AP1B1: variants seen among roughly 807,000 people sequenced by gnomAD.
AP1B1 encodes the protein AP-1 complex subunit beta-1.
In AP1B1, 36 loss-of-function variants were observed where a neutral mutation model predicts 104.3. The ratio of observed to expected loss-of-function variants is 0.35; its 90% CI spans 0.26 to 0.46. AP1B1 has a LOEUF of 0.46. AP1B1 is among the 20% of genes least tolerant of loss of function. AP1B1 has a pLI of 1.00. For synonymous variants in AP1B1, 504 were observed against 517.5 expected, an observed-to-expected ratio of 0.97 and a Z score of 0.35; for missense variants, 901 against 1,247.9, an observed-to-expected ratio of 0.72 and a Z score of 4.19.
In AP1B1 at chr22:29,363,110, A is replaced by G; in HGVS notation, c.38-4T>C. ...GCCTTCAGCTCGAAGATCTCCCCTA[A>G]GGAAAGGAGGCAAGCATGAGTGATC... On this transcript the variant is annotated splice_region_variant and splice_polypyrimidine_tract_variant and intron_variant, in intron 2 of 22. Coordinates refer to ENST00000357586, the MANE Select transcript of AP1B1 (RefSeq NM_001127.4). The G allele has an allele frequency of 1.5e-6, 2 of 1,309,402 alleles. No homozygotes were observed. The highest frequency in any genetic ancestry group is 2.2e-6 in the Non-Finnish European group (2 of 901,782). The allele number at this position is 1,309,402 out of a possible 1,614,324, so 81.1% of individuals were successfully genotyped here. A position where few individuals can be genotyped will look rare whatever the true frequency, so the allele number is the denominator to read the frequency against.
At chr22:29,343,476 C>T (rs2061743919) in intron 11 of AP1B1, among the ~76,000 whole-genome samples, 2 of 152,244 alleles carry the variant, frequency 1.3e-5, no homozygotes, top group African/African-American at 4.8e-5. Flanking sequence ...TGGGGGCCAG[C>T]AGCAGATGAG....
intron 1 of AP1B1, among the ~76,000 whole-genome samples, chr22:29,382,107 A>G (rs2062445848): frequency 6.6e-6 from 1 of 152,078 alleles, no homozygotes; most frequent in Admixed American, 6.6e-5. Context: ...CCCAGGCTAG[A>G]GTGCAGGGGT....
intron 6 of AP1B1, among the ~76,000 whole-genome samples, chr22:29,355,138 G>A (rs1569159079): frequency 6.6e-6 from 1 of 152,038 alleles, no homozygotes; most frequent in East Asian, 1.9e-4. Flanking sequence ...TCAGGAGGCT[G>A]AGACATGAGA....
intron 1 of AP1B1, among the ~76,000 whole-genome samples, chr22:29,375,205 G>A (rs1334159527): frequency 8.2e-6 from 1 of 121,996 alleles, no homozygotes; most frequent in Non-Finnish European, 1.6e-5. Context: ...AAAAAAATTA[G>A]TCGGTGTGGT....
chr22:29,360,242 G>A (rs1188637232), intron 3 of AP1B1, among the ~76,000 whole-genome samples: 1 of 152,160 alleles, frequency 6.6e-6, no homozygotes, highest in East Asian at 1.9e-4. Flanking sequence ...ACTGCCTCTT[G>A]CTAGCTATAT....
intron 2 of AP1B1, among the ~76,000 whole-genome samples, 187 bp downstream of exon 2, chr22:29,367,020 A>G (rs565401095): frequency 6.6e-6 from 1 of 152,204 alleles, no homozygotes; most frequent in African/African-American, 2.4e-5. Flanking sequence ...CTGAGCTCTA[A>G]AAGGAGTGGT....
In AP1B1 at chr22:29,356,627, G is replaced by C; in HGVS notation, c.526-11C>G. 6.2e-7 allele frequency: 1 copy of C among 1,612,948 alleles called. No homozygotes were observed. The highest frequency in any genetic ancestry group is 1.1e-5 in the South Asian group (1 of 91,016). ...TGCATTGGCCACCACCTGGTTGAGA[G>C]GGTGGGAGGGGCAGAGGCTGGGGGT... is the stretch of plus-strand genomic sequence containing the variant. On this transcript the variant is annotated splice_polypyrimidine_tract_variant and intron_variant, in intron 5 of 22. Coordinates refer to ENST00000357586, the MANE Select transcript of AP1B1 (RefSeq NM_001127.4).
At chr22:29,348,240 T>G (rs2061821994) in intron 11 of AP1B1, among the ~76,000 whole-genome samples, 1 of 152,244 alleles carries the variant, frequency 6.6e-6, no homozygotes, top group Admixed American at 6.5e-5. Context: ...GTGAAAGCTT[T>G]CAGTTGCCTG....
Position 29,331,892 on chromosome 22 carries a change from G to A in AP1B1, c.2334C>T (p.Pro778=), listed in dbSNP as rs138608403. 6.8e-6 allele frequency: 11 copies of A among 1,611,734 alleles called. No homozygotes were observed. The highest frequency in any genetic ancestry group is 3.3e-5 in the Admixed American group (2 of 59,962). The change falls in exon 18 of 23, where the codon CCC becomes CCT. Residue 778 remains proline, a synonymous_variant. Transcript: ENST00000357586. ...GGCTGAGTGGCGCGTGGACCTGGAG[G>A]GGGGCGGCGGGGGCCAGGCCAAAGC... is the stretch of plus-strand genomic sequence containing the variant. The part of the protein sequence containing the change: ...RNSFGLAPAA[P]LQVHAPLSPN...
chr22:29,358,683 C>A, intron 5 of AP1B1, 43 bp downstream of exon 5: 1 of 1,586,452 alleles, frequency 6.3e-7, no homozygotes, highest in South Asian at 1.1e-5. Flanking sequence ...CCCAAGCAAC[C>A]CAGGAGGTGG....
chr22:29,339,840 G>A (rs2061688458), intron 14 of AP1B1, 66 bp from the exon 15 acceptor site: 1 of 1,504,662 alleles, frequency 6.6e-7, no homozygotes, highest in Admixed American at 1.9e-5. Context: ...AGCCAGGAAG[G>A]AAGACAGAGA....
chr22:29,339,198 G>A (rs958067995), intron 15 of AP1B1, 65 bp from the exon 16 acceptor site: 4 of 1,591,820 alleles, frequency 2.5e-6, no homozygotes, highest in African/African-American at 2.7e-5. Context: ...GTCTGGGAAT[G>A]AGTAGAGCCA....
At chr22:29,375,590 G>A (rs976297031) in intron 1 of AP1B1, among the ~76,000 whole-genome samples, 2 of 152,168 alleles carry the variant, frequency 1.3e-5, no homozygotes, top group African/African-American at 4.8e-5. Flanking sequence ...GTGCCAGACA[G>A]TGATGACTGG....
chr22:29,380,198 G>A (rs1367737636), intron 1 of AP1B1, among the ~76,000 whole-genome samples: 1 of 152,092 alleles, frequency 6.6e-6, no homozygotes, highest in African/African-American at 2.4e-5. Flanking sequence ...CAAATGCTAG[G>A]ATGCCATGCT....
intron 1 of AP1B1, among the ~76,000 whole-genome samples, chr22:29,384,986 A>C (rs2062498776): frequency 6.6e-6 from 1 of 152,240 alleles, no homozygotes; most frequent in Non-Finnish European, 1.5e-5. Context: ...GGTGATGATC[A>C]GATGGGAAGA....
rs138491441 is a variant in AP1B1, at chr22:29,355,398, C to A, written c.717-527G>T. Among the ~76,000 whole-genome samples, 35 of 151,808 alleles carry A rather than the reference C, an allele frequency of 2.3e-4. No homozygotes were observed. In the East Asian group the frequency reaches 6.0e-3, roughly 26 times the overall value. ...CTGCTTTGAGCCCAGGAGTTTGAGG[C>A]TGCAGTGAGCTGAGACTGTGACACT... On this transcript the variant is annotated intron_variant, in intron 6 of 22. Transcript: ENST00000357586.
In AP1B1 at chr22:29,351,604, C is replaced by T. The variant is rs572142361; in HGVS notation, c.1059+101G>A. 1.6e-4 allele frequency: 239 copies of T among 1,472,060 alleles called. 1 individual carries two copies. The African/African-American group carries it at 3.2e-3, about 19-fold the overall frequency. The allele number at this position is 1,472,060 out of a possible 1,614,324, so 91.2% of individuals were successfully genotyped here. ...GCTAAACACTCTTCATGAGATAAAC[C>T]GTTAATGGTGAGACTGGTCACCTGG... On this transcript the variant is annotated intron_variant, in intron 8 of 22. Coordinates refer to ENST00000357586, the MANE Select transcript of AP1B1 (RefSeq NM_001127.4).
rs2061546276 is a variant in AP1B1 at position 29,330,793 on chromosome 22, G to A, written c.2525-84C>T. The A allele has an allele frequency of 3.3e-6, 4 of 1,201,282 alleles. No individual in the cohort carries two copies. The Admixed American group carries it at 8.2e-5, about 25-fold the overall frequency. 74.4% of individuals were successfully genotyped at this position (1,201,282 alleles called of 1,614,324 possible). ...TGTAGCTCAGCAGGAAATGGGTCTG[G>A]CCTTTACTGTGCCACGTGAAAGCTG... On this transcript the variant is annotated intron_variant, in intron 19 of 22. Transcript: ENST00000357586.
chr22:29,329,777 G>A (rs772053428), intron 21 of AP1B1, 57 bp from the exon 22 acceptor site: 58 of 1,610,388 alleles, frequency 3.6e-5, no homozygotes, highest in Middle Eastern at 1.7e-4. Flanking sequence ...ACAGGGAGAC[G>A]GAAGTTACCA....
Sources: allele counts gnomAD v4.1 joint callset (sites outside exome capture counted in the v4.1 genomes callset), GRCh38; gene constraint gnomAD v4.1.1; transcripts MANE v1.5; gene names NCBI Gene and HGNC (gene_info 2026-07-23, HGNC 2026-07-21).